Variants in PRTG observed in about 807,000 individuals in gnomAD.
PRTG encodes the protein immunoglobulin superfamily, DCC subclass, member 5.
PRTG carries 67 observed loss-of-function variants against 122.5 expected under a neutral mutation model. The ratio of observed to expected loss-of-function variants is 0.55; its 90% CI spans 0.45 to 0.67. PRTG has a LOEUF of 0.67. PRTG is among the 30% of genes least tolerant of loss of function. The pLI, the probability that PRTG is intolerant of heterozygous loss-of-function variation, is 0.00. For missense variants in PRTG, 1,435 were observed against 1,415.4 expected (o/e 1.01, Z -0.22); for synonymous variants, 554 against 501.1 (o/e 1.11, Z -1.41).
intron 11 of PRTG, among the ~76,000 whole-genome samples, chr15:55,662,847 T>C (rs1047472578): frequency 1.3e-5 from 2 of 152,220 alleles, no homozygotes; most frequent in Admixed American, 1.3e-4. Context: ...TCTTTCAAAG[T>C]AGCTAAGCCA....
intron 15 of PRTG, among the ~76,000 whole-genome samples, chr15:55,631,338 G>A (rs1311003592): frequency 6.6e-6 from 1 of 152,084 alleles, no homozygotes; most frequent in African/African-American, 2.4e-5. Flanking sequence ...CCATTTTATG[G>A]TAAAATGCAT....
rs1456902602 is a variant in PRTG at position 55,743,053 on chromosome 15, C to T, written c.-122G>A. ...CGCAGCCTGGCTCCCCGCTCCGGCT[C>T]CGGCACCGGCGTGGCGAGCGTCTCT... On this transcript the variant is annotated 5_prime_UTR_variant, in exon 1 of 20. Coordinates refer to ENST00000389286, the MANE Select transcript of PRTG (RefSeq NM_173814.6). The T allele has an allele frequency of 7.6e-7, 1 of 1,307,354 alleles. No individual in the cohort carries two copies. Among genetic ancestry groups the T allele is most frequent in the Non-Finnish European group, 9.7e-7 (1 of 1,032,836 alleles). 81.0% of individuals were successfully genotyped at this position (1,307,354 alleles called of 1,614,324 possible).
rs1330897329 is a variant in PRTG at position 55,682,363 on chromosome 15, C to T, written c.676+1G>A. Reference sequence around the variant, plus strand: ...AATGGAAAAACCACTCTGCGTGGTACCTGGAATCACAGTTAGCGAGGCCTC... The same window carrying T: ...AATGGAAAAACCACTCTGCGTGGTATCTGGAATCACAGTTAGCGAGGCCTC... On this transcript the variant is annotated splice_donor_variant, in intron 4 of 19. Transcript: ENST00000389286. LOFTEE classifies it high-confidence loss of function. 1 of 1,590,284 alleles carries T rather than the reference C, an allele frequency of 6.3e-7. No homozygotes were observed. The highest frequency in any genetic ancestry group is 8.6e-7 in the Non-Finnish European group (1 of 1,166,710).
intron 2 of PRTG, among the ~76,000 whole-genome samples, chr15:55,735,164 ATTTCT>A (rs1450051055): frequency 6.6e-6 from 1 of 152,142 alleles, no homozygotes; most frequent in Admixed American, 6.6e-5. Flanking sequence ...GATTTTTATG[ATTTCT>A]TTTAAAACAT....
chr15:55,654,983 G>A (rs1357380279), intron 11 of PRTG: 3 of 152,100 alleles, frequency 2.0e-5, no homozygotes, highest in Admixed American at 2.0e-4. Flanking sequence ...TGAAAAACAA[G>A]CTTACAAAAT....
At chr15:55,700,763 G>A (rs919701955) in intron 2 of PRTG, among the ~76,000 whole-genome samples, 4 of 151,960 alleles carry the variant, frequency 2.6e-5, no homozygotes, top group African/African-American at 9.7e-5. Flanking sequence ...CCTAGGCAAC[G>A]GAGACTCTGT....
Position 55,742,453 on chromosome 15 carries a change from G to T in PRTG, c.94+385C>A, listed in dbSNP as rs562444193. On this transcript the variant is annotated intron_variant, in intron 1 of 19. Transcript: ENST00000389286. ...AAATAAAGCCACGTGCAGCCGCGGC[G>T]GCCCCGGCGGGCTGGCGACCCGGAG... 21 of 205,786 alleles carry T rather than the reference G, an allele frequency of 1.0e-4. No homozygotes were observed. The South Asian group carries it at 3.1e-3, about 31-fold the overall frequency. The allele number at this position is 205,786 out of a possible 1,614,324, so 12.7% of individuals were successfully genotyped here.
In PRTG at chr15:55,613,053, T is replaced by C. The variant is rs1290235226; in HGVS notation, c.*6959A>G. On this transcript the variant is annotated 3_prime_UTR_variant, in exon 20 of 20. Transcript: ENST00000389286. ...ATTTACACTTGAATTTTCTCTTAAG[T>C]TTTCAAAGTACTATTGTTTCATTTT... The C allele has an allele frequency of 6.6e-6, 1 of 151,982 alleles. No homozygotes were observed. Among genetic ancestry groups the C allele is most frequent in the African/African-American group, 2.4e-5 (1 of 41,400 alleles). The allele number at this position is 151,982 out of a possible 1,614,324, so 9.4% of individuals were successfully genotyped here.
rs541440147 is a variant in PRTG, at chr15:55,695,744, C to G, written c.398-11813G>C. Among the ~76,000 whole-genome samples the G allele has an allele frequency of 3.9e-5, 6 of 152,236 alleles. No individual in the cohort carries two copies. In the South Asian group the frequency reaches 6.2e-4, roughly 16 times the overall value. On this transcript the variant is annotated intron_variant, in intron 2 of 19. Coordinates refer to ENST00000389286, the MANE Select transcript of PRTG (RefSeq NM_173814.6). ...CTATAATCCCAGCACTTTGAGGGGACGAGACAGGCAGATCACTTGAGCTCA... is the reference window on the plus strand; with the variant it reads ...CTATAATCCCAGCACTTTGAGGGGAGGAGACAGGCAGATCACTTGAGCTCA...
Position 55,685,631 on chromosome 15 carries a change from T to C in PRTG, c.398-1700A>G, listed in dbSNP as rs566012843. On this transcript the variant is annotated intron_variant, in intron 2 of 19. Transcript: ENST00000389286. Reference sequence around the variant, plus strand: ...CAAATGTAAAGCAATTCTGCTCCTCTGGCTAATTTTTTCCTCTGGAAAATA... The same window carrying C: ...CAAATGTAAAGCAATTCTGCTCCTCCGGCTAATTTTTTCCTCTGGAAAATA... 7.2e-5 allele frequency among the ~76,000 whole-genome samples: 11 copies of C among 152,312 alleles called. No individual in the cohort carries two copies. The South Asian group carries it at 8.3e-4, about 11-fold the overall frequency.
At chr15:55,666,289 G>A (rs2059439118) in intron 11 of PRTG, among the ~76,000 whole-genome samples, 2 of 152,124 alleles carry the variant, frequency 1.3e-5, no homozygotes, top group South Asian at 4.1e-4. Flanking sequence ...CAGCCTTACT[G>A]GATTAGAACC....
At chr15:55,712,706 A>G (rs1449012427) in intron 2 of PRTG, among the ~76,000 whole-genome samples, 4 of 152,216 alleles carry the variant, frequency 2.6e-5, no homozygotes, top group Non-Finnish European at 5.9e-5. Context: ...ATGTTATTTC[A>G]GATTATTACT....
intron 2 of PRTG, 66 bp from the exon 3 acceptor site, chr15:55,683,997 A>G: frequency 7.6e-7 from 1 of 1,313,080 alleles, no homozygotes; most frequent in Admixed American, 1.9e-5. Flanking sequence ...GTAACATTAC[A>G]CTAGATATTA....
chr15:55,696,131 GC>G (rs2059630894), intron 2 of PRTG, among the ~76,000 whole-genome samples: 1 of 152,054 alleles, frequency 6.6e-6, no homozygotes, highest in African/African-American at 2.4e-5. Context: ...GGGTGTGGTG[GC>G]CTGTGTCTGT....
chr15:55,734,471 GTAAGTTTTAAGGAC>G (rs1277900401), intron 2 of PRTG, among the ~76,000 whole-genome samples: 3 of 151,990 alleles, frequency 2.0e-5, no homozygotes, highest in Non-Finnish European at 2.9e-5. Context: ...TTTTCTTTCT[GTAAGTTTTAAGGAC>G]TAAATCCAAT....
intron 2 of PRTG, among the ~76,000 whole-genome samples, chr15:55,728,653 G>C (rs555329659): frequency 6.6e-6 from 1 of 152,168 alleles, no homozygotes; most frequent in Non-Finnish European, 1.5e-5. Flanking sequence ...CATACTCAAA[G>C]GTGAAAGACT....
chr15:55,723,680 G>A (rs1463625901), intron 2 of PRTG, among the ~76,000 whole-genome samples: 3 of 151,030 alleles, frequency 2.0e-5, no homozygotes, highest in Admixed American at 1.3e-4. Context: ...CTTGAAGGCA[G>A]CAAAAGAGAA....
chr15:55,625,432 G>A (rs138174220), intron 17 of PRTG, among the ~76,000 whole-genome samples: 89 of 151,768 alleles, frequency 5.9e-4, no homozygotes, highest in African/African-American at 2.1e-3. Context: ...CAATCTTCTT[G>A]TAAACATGAT....
In PRTG at chr15:55,683,881, C is replaced by T. The variant is rs773312437; in HGVS notation, c.448G>A (p.Gly150Arg). ...QPISTEVHEG[G>R]VARFACKISS... Reference sequence around the variant, plus strand: ...ATCTTGCATGCAAATCGAGCAACTCCACCTTCGTGGACCTCAGTGGAAATT... The same window carrying T: ...ATCTTGCATGCAAATCGAGCAACTCTACCTTCGTGGACCTCAGTGGAAATT... Residue 150 changes from glycine (G) to arginine (R), a missense_variant, in exon 3 of 20, where the codon GGA (glycine) becomes AGA (arginine). Gly to Arg is a moderately radical substitution (Grantham distance 125). Transcript: ENST00000389286. 2 of 1,613,952 alleles carry T rather than the reference C, an allele frequency of 1.2e-6. No individual in the cohort carries two copies. The highest frequency in any genetic ancestry group is 1.7e-5 in the Admixed American group (1 of 60,022).
Sources: allele counts gnomAD v4.1 joint callset (sites outside exome capture counted in the v4.1 genomes callset), GRCh38; gene constraint gnomAD v4.1.1; transcripts MANE v1.5; gene names NCBI Gene and HGNC (gene_info 2026-07-23, HGNC 2026-07-21).